The following NRXN3 variants were observed in gnomAD, a reference collection of about 807,000 sequenced individuals.
NRXN3 encodes neurexin III.
Under a neutral mutation model 137.6 loss-of-function variants are expected in NRXN3, and 32 were observed. The ratio of observed to expected loss-of-function variants is 0.23; its 90% CI spans 0.18 to 0.31. The LOEUF is 0.31. Ranked by LOEUF, NRXN3 falls within the 10% of genes least tolerant of loss-of-function variation. The pLI is 1.00. For missense variants in NRXN3, 1,574 were observed against 2,062.5 expected (o/e 0.76, Z 4.59); for synonymous variants, 798 against 784.5 (o/e 1.02, Z -0.29).
chr14:78,527,228 A>C (rs950917288), intron 4 of NRXN3, among the ~76,000 whole-genome samples: 5 of 152,230 alleles, frequency 3.3e-5, no homozygotes, highest in Non-Finnish European at 7.4e-5. Flanking sequence ...TAATTGGCTC[A>C]TGGTACTGCA....
At chr14:78,234,021 G>A (rs2153441839) in intron 1 of NRXN3, among the ~76,000 whole-genome samples, 2 of 152,310 alleles carry the variant, frequency 1.3e-5, no homozygotes, top group Non-Finnish European at 2.9e-5. Context: ...TTCCCAAGCT[G>A]TTCTCCTGAT....
chr14:79,428,927 T>A (rs1054929930), intron 15 of NRXN3, among the ~76,000 whole-genome samples: 1 of 152,328 alleles, frequency 6.6e-6, no homozygotes, highest in Admixed American at 6.5e-5. Flanking sequence ...TTATTCTTTG[T>A]CAATTAATTT....
At chr14:79,230,363 G>T (rs766373407) in intron 15 of NRXN3, among the ~76,000 whole-genome samples, 3 of 151,938 alleles carry the variant, frequency 2.0e-5, no homozygotes, top group Non-Finnish European at 2.9e-5. Flanking sequence ...AAGTGACAAG[G>T]GTTGCCTAGC....
chr14:79,134,286 T>C (rs751150223), intron 15 of NRXN3, among the ~76,000 whole-genome samples: 51 of 152,350 alleles, frequency 3.3e-4, no homozygotes, highest in South Asian at 4.1e-4. Context: ...ACTTTATTTT[T>C]CCCTATAGTC....
At chr14:79,180,093 A>G (rs1036174704) in intron 15 of NRXN3, among the ~76,000 whole-genome samples, 2 of 152,238 alleles carry the variant, frequency 1.3e-5, no homozygotes, top group African/African-American at 4.8e-5. Context: ...CATAAAAATA[A>G]TAATAAATTA....
chr14:78,635,848 C>G (rs1253126773), intron 4 of NRXN3, among the ~76,000 whole-genome samples: 2 of 152,152 alleles, frequency 1.3e-5, no homozygotes, highest in Admixed American at 6.6e-5. Context: ...AAGTTCTCCA[C>G]CATCCTAATT....
At chr14:78,817,802 G>T (rs1365639124) in intron 10 of NRXN3, among the ~76,000 whole-genome samples, 1 of 151,900 alleles carries the variant, frequency 6.6e-6, no homozygotes, top group South Asian at 2.1e-4. Flanking sequence ...ATTTATGAGG[G>T]ATTCACCCCG....
At chr14:78,743,522 A>T (rs558203922) in intron 8 of NRXN3, among the ~76,000 whole-genome samples, 1 of 152,300 alleles carries the variant, frequency 6.6e-6, no homozygotes, top group East Asian at 1.9e-4. Flanking sequence ...AGGCACACAT[A>T]GCTCATTGCT....
At chr14:78,815,151 C>A (rs2098928040) in intron 10 of NRXN3, among the ~76,000 whole-genome samples, 1 of 152,146 alleles carries the variant, frequency 6.6e-6, no homozygotes, top group African/African-American at 2.4e-5. Context: ...TACTTTGAAC[C>A]TGAAGACCCA....
At chr14:79,126,937 AT>A (rs2056609707) in intron 15 of NRXN3, among the ~76,000 whole-genome samples, 1 of 152,010 alleles carries the variant, frequency 6.6e-6, no homozygotes, top group East Asian at 1.9e-4. Flanking sequence ...GATGGTGAGC[AT>A]TTTTTCATGT....
chr14:78,226,590 A>G (rs2064703299), intron 1 of NRXN3, among the ~76,000 whole-genome samples: 1 of 152,250 alleles, frequency 6.6e-6, no homozygotes, highest in South Asian at 2.1e-4. Flanking sequence ...ATGCAAAATT[A>G]CAGATTGTAT....
chr14:79,023,320 A>G (rs1477950596), intron 15 of NRXN3, among the ~76,000 whole-genome samples: 1 of 152,112 alleles, frequency 6.6e-6, no homozygotes, highest in Non-Finnish European at 1.5e-5. Context: ...TGAGCACAAC[A>G]GACCAAGCTC....
At chr14:79,176,164 T>C (rs1040797700) in intron 15 of NRXN3, among the ~76,000 whole-genome samples, 1 of 152,234 alleles carries the variant, frequency 6.6e-6, no homozygotes, top group African/African-American at 2.4e-5. Context: ...TAACAGGAAC[T>C]GTACTGTTAT....
chr14:79,277,052 T>A (rs2153434959), intron 15 of NRXN3, among the ~76,000 whole-genome samples: 1 of 152,194 alleles, frequency 6.6e-6, no homozygotes, highest in East Asian at 1.9e-4. Context: ...GAGAGTGCTG[T>A]CAAGGAAATA....
At chr14:79,037,393 TG>T (rs1488823440) in intron 15 of NRXN3, among the ~76,000 whole-genome samples, 1 of 152,144 alleles carries the variant, frequency 6.6e-6, no homozygotes, top group Non-Finnish European at 1.5e-5. Flanking sequence ...TTTGTTATCA[TG>T]GTGTATGACA....
At chr14:78,174,132 A>C (rs2059033054) in intron 1 of NRXN3, among the ~76,000 whole-genome samples, 1 of 151,898 alleles carries the variant, frequency 6.6e-6, no homozygotes, top group South Asian at 2.1e-4. Context: ...AACATTAATA[A>C]TTTTTTTTGA....
chr14:79,144,759 T>G (rs1291711693), intron 15 of NRXN3, among the ~76,000 whole-genome samples: 1 of 152,170 alleles, frequency 6.6e-6, no homozygotes, highest in African/African-American at 2.4e-5. Flanking sequence ...TCTTCTTGGT[T>G]GTTTATTCTC....
Position 79,554,043 on chromosome 14 carries a change from C to T in NRXN3, c.3444+86641C>T, listed in dbSNP as rs145335622. Among the ~76,000 whole-genome samples the T allele has an allele frequency of 6.1e-3, 931 of 152,120 alleles. 8 individuals carry two copies. Among genetic ancestry groups the T allele is most frequent in the Non-Finnish European group, 7.1e-3 (483 of 68,002 alleles). On this transcript the variant is annotated intron_variant, in intron 16 of 20. Transcript: ENST00000335750. ...AACCCAGGAAAGGTCAGTTGTAATG[C>T]GCATTGTCTATATTTTAATGTAAAA... is the stretch of plus-strand genomic sequence containing the variant.
intron 6 of NRXN3, among the ~76,000 whole-genome samples, chr14:78,696,040 T>C (rs2098222630): frequency 6.6e-6 from 1 of 152,068 alleles, no homozygotes; most frequent in Non-Finnish European, 1.5e-5. Context: ...CTAAACATGC[T>C]TCATCCATGC....
Sources: allele counts gnomAD v4.1 joint callset (sites outside exome capture counted in the v4.1 genomes callset), GRCh38; gene constraint gnomAD v4.1.1; transcripts MANE v1.5; gene names NCBI Gene and HGNC (gene_info 2026-07-23, HGNC 2026-07-21).